The following ZNF280C variants were observed in gnomAD, a reference collection of about 807,000 sequenced individuals.
ZNF280C encodes suppressor of hairy wing homolog 3.
Under a neutral mutation model 53.6 loss-of-function variants are expected in ZNF280C, and 14 were observed. That is an observed-to-expected ratio of 0.26 (90% CI 0.17 to 0.41). The LOEUF is 0.41. Ranked by LOEUF, ZNF280C falls within the 10% of genes least tolerant of loss-of-function variation. The probability of loss-of-function intolerance (pLI) is 1.00; values close to 1 mark genes in which losing one functional copy is unlikely to be tolerated. For synonymous variants in ZNF280C, 203 were observed against 181.1 expected (o/e 1.12, Z -0.97); for missense variants, 416 against 547.1 (o/e 0.76, Z 2.39).
In ZNF280C at chrX:130,263,512, T is replaced by C. The variant is rs750825807; in HGVS notation, c.-16-3047A>G. On this transcript the variant is annotated intron_variant, in intron 1 of 18. Transcript: ENST00000370978. Reference sequence around the variant, plus strand: ...CAAATGTCTAGAAATGTCAAATCCATAGACAGAAAGTAGAGTAGAGGCTGC... The same window carrying C: ...CAAATGTCTAGAAATGTCAAATCCACAGACAGAAAGTAGAGTAGAGGCTGC... Among the ~76,000 whole-genome samples the C allele has an allele frequency of 3.7e-4, 41 of 111,753 alleles. No homozygotes were observed. The South Asian group carries it at 0.013, about 35-fold the overall frequency.
At chrX:130,206,299 C>T (rs2124695014) in intron 16 of ZNF280C, among the ~76,000 whole-genome samples, 1 of 108,136 alleles carries the variant, frequency 9.2e-6, no homozygotes, top group African/African-American at 3.4e-5. Flanking sequence ...TCATCAGATA[C>T]TTTAAACTTA....
intron 6 of ZNF280C, among the ~76,000 whole-genome samples, chrX:130,236,845 CACAA>C (rs1162014050): frequency 3.6e-5 from 4 of 110,928 alleles, no homozygotes; most frequent in Non-Finnish European, 7.6e-5. Context: ...GCAGAAATTG[CACAA>C]ACAGCTACTA....
At chrX:130,247,877 T>C (rs2032466577) in intron 2 of ZNF280C, among the ~76,000 whole-genome samples, 1 of 108,595 alleles carries the variant, frequency 9.2e-6, no homozygotes, top group African/African-American at 3.4e-5. Flanking sequence ...CTTAATTCTG[T>C]TTCAGGACAG....
intron 12 of ZNF280C, among the ~76,000 whole-genome samples, chrX:130,222,276 CCACACACACACACACACACACA>C (rs59694150): frequency 2.4e-4 from 17 of 69,927 alleles, no homozygotes; most frequent in Admixed American, 1.2e-3. Context: ...CATTCAGACA[CCACACACACACACACACACACA>C]CACACACACA....
At chrX:130,215,673 C>T in intron 14 of ZNF280C, 118 bp downstream of exon 14, 2 of 719,535 alleles carry the variant, frequency 2.8e-6, no homozygotes, top group Non-Finnish European at 3.9e-6. Context: ...TTCTCATTTG[C>T]TTGGTCTTTA....
intron 1 of ZNF280C, among the ~76,000 whole-genome samples, chrX:130,267,278 G>GA (rs113188829): frequency 3.6e-5 from 4 of 109,814 alleles, no homozygotes; most frequent in Admixed American, 9.7e-5. Flanking sequence ...TGAAAAAGTC[G>GA]AAAAAAAATG....
At chrX:130,258,330 T>C (rs1286550054) in intron 2 of ZNF280C, among the ~76,000 whole-genome samples, 1 of 111,675 alleles carries the variant, frequency 9.0e-6, no homozygotes, top group East Asian at 2.8e-4. Flanking sequence ...TTTCTACTTT[T>C]GACTCAAAAT....
intron 2 of ZNF280C, among the ~76,000 whole-genome samples, chrX:130,253,643 A>G (rs2032536735): frequency 8.9e-6 from 1 of 112,100 alleles, no homozygotes; most frequent in Non-Finnish European, 1.9e-5. Flanking sequence ...CAAAGCTGAC[A>G]AAAACACACA....
intron 2 of ZNF280C, among the ~76,000 whole-genome samples, chrX:130,255,131 CTTTTTT>C (rs1165356811): frequency 1.0e-5 from 1 of 99,388 alleles, no homozygotes; most frequent in East Asian, 3.1e-4. Flanking sequence ...AAATCATTTT[CTTTTTT>C]TTTCTTTTTT....
intron 2 of ZNF280C, among the ~76,000 whole-genome samples, chrX:130,259,863 G>C (rs2032612118): frequency 9.0e-6 from 1 of 111,099 alleles, no homozygotes; most frequent in African/African-American, 3.3e-5. Flanking sequence ...GGTGGCGGGT[G>C]CCTGTAATCC....
At chrX:130,264,510 T>G (rs955298621) in intron 1 of ZNF280C, among the ~76,000 whole-genome samples, 1 of 111,077 alleles carries the variant, frequency 9.0e-6, no homozygotes, top group Non-Finnish European at 1.9e-5. Flanking sequence ...AAAATTAACA[T>G]AAGCCTGCTC....
At chrX:130,213,388 GA>G (rs1243065526) in intron 15 of ZNF280C, among the ~76,000 whole-genome samples, 1 of 110,294 alleles carries the variant, frequency 9.1e-6, no homozygotes, top group Non-Finnish European at 1.9e-5. Context: ...AAAACAAAAC[GA>G]AACAAAAACA....
intron 16 of ZNF280C, among the ~76,000 whole-genome samples, chrX:130,205,911 C>T (rs1435415619): frequency 1.8e-5 from 2 of 109,274 alleles, no homozygotes; most frequent in African/African-American, 3.3e-5. Flanking sequence ...AAAATGGCAT[C>T]GCCATATTCA....
At position 130,226,925 on chromosome X, in the gene ZNF280C, T is replaced by G. The variant is rs2032226675; in HGVS notation, c.1249-20A>C. The stretch of plus-strand genomic sequence containing the variant: ...GCAAACCTAGAAATATAAAGAAGGC[T>G]TAGTTTAACTTGATATTTTATAACT... On this transcript the variant is annotated intron_variant, in intron 11 of 18. Coordinates refer to ENST00000370978, the MANE Select transcript of ZNF280C (RefSeq NM_017666.5). The G allele has an allele frequency of 1.7e-6, 2 of 1,164,068 alleles. No homozygotes were observed. The highest frequency in any genetic ancestry group is 2.3e-6 in the Non-Finnish European group (2 of 869,394).
chrX:130,240,156 G>T (rs972496036), intron 5 of ZNF280C, among the ~76,000 whole-genome samples: 2 of 111,348 alleles, frequency 1.8e-5, no homozygotes, highest in Non-Finnish European at 3.8e-5. Flanking sequence ...TAACAATAAA[G>T]AAATGACTAA....
rs1051149779 is a variant in ZNF280C at position 130,230,232 on chromosome X, A to G, written c.989+278T>C. ...AGTTTTTCATGAAACCGTCTAGTTCAGTAATAAATGTAGGGAAAATAAGTA... is the reference window on the plus strand; with the variant it reads ...AGTTTTTCATGAAACCGTCTAGTTCGGTAATAAATGTAGGGAAAATAAGTA... On this transcript the variant is annotated intron_variant, in intron 9 of 18. Coordinates refer to ENST00000370978, the MANE Select transcript of ZNF280C (RefSeq NM_017666.5). 2.7e-5 allele frequency among the ~76,000 whole-genome samples: 3 copies of G among 111,970 alleles called. No individual in the cohort carries two copies. In the Admixed American group the frequency reaches 2.9e-4, roughly 11 times the overall value.
chrX:130,228,852 T>TC, intron 10 of ZNF280C, 125 bp downstream of exon 10: 1 of 662,180 alleles, frequency 1.5e-6, no homozygotes, highest in Non-Finnish European at 2.2e-6. Context: ...ATTTTTTTTT[T>TC]CAATTTTGCC....
chrX:130,241,431 C>A (rs1424599942), intron 5 of ZNF280C, among the ~76,000 whole-genome samples: 4 of 112,267 alleles, frequency 3.6e-5, no homozygotes, highest in Admixed American at 1.9e-4. Context: ...TAAGGGTACA[C>A]CACTGCTCTA....
chrX:130,223,399 C>CT (rs2032189768), intron 12 of ZNF280C, among the ~76,000 whole-genome samples: 2 of 111,870 alleles, frequency 1.8e-5, no homozygotes, highest in South Asian at 7.7e-4. Context: ...TAATTTCTGC[C>CT]TTTAGACCTA....
Sources: allele counts gnomAD v4.1 joint callset (sites outside exome capture counted in the v4.1 genomes callset), GRCh38; gene constraint gnomAD v4.1.1; transcripts MANE v1.5; gene names NCBI Gene and HGNC (gene_info 2026-07-23, HGNC 2026-07-21).